SGCZ: variants seen among roughly 807,000 people sequenced by gnomAD.
The protein encoded by SGCZ is sarcoglycan zeta.
In SGCZ, 40 loss-of-function variants were observed where a neutral mutation model predicts 41.3. That is an observed-to-expected ratio of 0.97 (90% CI 0.75 to 1.26). SGCZ has a LOEUF of 1.26. Ranked by LOEUF, SGCZ falls within the 50% of genes most tolerant of loss-of-function variation. The pLI is 0.00. For missense variants in SGCZ, 552 were observed against 369.8 expected (o/e 1.49, Z -4.04); for synonymous variants, 206 against 137.5 (o/e 1.50, Z -3.49).
At chr8:15,192,630 C>G (rs544503023) in intron 1 of SGCZ, among the ~76,000 whole-genome samples, 1 of 152,186 alleles carries the variant, frequency 6.6e-6, no homozygotes, top group East Asian at 1.9e-4. Flanking sequence ...GGCATCAATG[C>G]CAAACTCATC....
intron 1 of SGCZ, among the ~76,000 whole-genome samples, chr8:14,843,900 C>T (rs905711586): frequency 4.6e-5 from 7 of 151,818 alleles, no homozygotes; most frequent in Non-Finnish European, 8.8e-5. Flanking sequence ...AAATATCAGC[C>T]TCTGATGAAC....
At chr8:14,172,380 T>A (rs892393594) in intron 4 of SGCZ, among the ~76,000 whole-genome samples, 2 of 152,152 alleles carry the variant, frequency 1.3e-5, no homozygotes, top group Non-Finnish European at 2.9e-5. Flanking sequence ...CACATCACAT[T>A]TTATTTCATT....
chr8:14,175,570 T>C (rs1011612510), intron 4 of SGCZ, among the ~76,000 whole-genome samples: 8 of 152,222 alleles, frequency 5.3e-5, no homozygotes, highest in African/African-American at 1.9e-4. Flanking sequence ...ATCAAATTTT[T>C]ACTTTTTCTT....
intron 1 of SGCZ, among the ~76,000 whole-genome samples, chr8:14,844,022 T>C (rs1044428909): frequency 6.6e-6 from 1 of 150,932 alleles, no homozygotes; most frequent in African/African-American, 2.4e-5. Flanking sequence ...ATCATATAAA[T>C]AATATTTATA....
chr8:14,264,007 G>C (rs535792044), intron 3 of SGCZ, among the ~76,000 whole-genome samples: 7 of 152,338 alleles, frequency 4.6e-5, no homozygotes, highest in African/African-American at 1.7e-4. Context: ...GACAGATAGA[G>C]CCACCTGGAC....
chr8:14,324,023 G>A, intron 3 of SGCZ, 80 bp downstream of exon 3: 1 of 873,506 alleles, frequency 1.1e-6, no homozygotes, highest in Non-Finnish European at 1.8e-6. Flanking sequence ...AAGAGATAAG[G>A]GGATTCTACC....
intron 1 of SGCZ, among the ~76,000 whole-genome samples, chr8:14,598,616 C>A (rs990233791): frequency 1.3e-5 from 2 of 151,810 alleles, no homozygotes; most frequent in Admixed American, 1.3e-4. Context: ...CAGACTCGAC[C>A]CCCCCGGGCT....
intron 1 of SGCZ, among the ~76,000 whole-genome samples, chr8:14,654,640 C>T (rs540670922): frequency 2.8e-4 from 43 of 152,010 alleles, no homozygotes; most frequent in African/African-American, 9.9e-4. Flanking sequence ...GGCGTGATCT[C>T]GGCTCACTGA....
intron 2 of SGCZ, among the ~76,000 whole-genome samples, chr8:14,346,547 G>C (rs189089498): frequency 6.6e-6 from 1 of 152,082 alleles, no homozygotes; most frequent in African/African-American, 2.4e-5. Flanking sequence ...AGTGCATTTT[G>C]TTAGAAATAT....
Position 14,895,595 on chromosome 8 carries a change from G to A in SGCZ, c.40-340669C>T, listed in dbSNP as rs183984310. Among the ~76,000 whole-genome samples the A allele has an allele frequency of 9.7e-4, 147 of 152,204 alleles. 1 individual carries two copies. The highest frequency in any genetic ancestry group is 1.7e-3 in the Non-Finnish European group (119 of 68,016). ...TGGAAGATCAAAGAAGATGTAAGTGGTATTACCTCTTCATAACAGAACAAA... is the reference window on the plus strand; with the variant it reads ...TGGAAGATCAAAGAAGATGTAAGTGATATTACCTCTTCATAACAGAACAAA... On this transcript the variant is annotated intron_variant, in intron 1 of 7. Transcript: ENST00000382080.
At chr8:14,795,671 T>C (rs938894024) in intron 1 of SGCZ, among the ~76,000 whole-genome samples, 1 of 152,160 alleles carries the variant, frequency 6.6e-6, no homozygotes, top group African/African-American at 2.4e-5. Context: ...TATTGTTTAT[T>C]TTTTTAAACT....
At chr8:14,318,712 G>A (rs766131970) in intron 3 of SGCZ, among the ~76,000 whole-genome samples, 3 of 152,066 alleles carry the variant, frequency 2.0e-5, no homozygotes, top group East Asian at 3.9e-4. Context: ...AGAAGAGACA[G>A]AACAGTCACA....
chr8:14,250,262 T>C (rs1385018293), intron 3 of SGCZ, among the ~76,000 whole-genome samples: 2 of 152,304 alleles, frequency 1.3e-5, no homozygotes, highest in East Asian at 3.9e-4. Flanking sequence ...TTGCAATTGT[T>C]GCAAAAAAAT....
chr8:14,142,786 T>C (rs113935499), intron 5 of SGCZ, among the ~76,000 whole-genome samples: 3,243 of 152,172 alleles, frequency 0.021, 143 homozygotes, highest in African/African-American at 0.075. Flanking sequence ...TCATCCCTGT[T>C]GTGAGTTCTT....
At chr8:14,325,743 CACACATATATAT>C (rs1462024727) in intron 2 of SGCZ, among the ~76,000 whole-genome samples, 284 of 66,728 alleles carry the variant, frequency 4.3e-3, no homozygotes, top group Middle Eastern at 8.8e-3. Context: ...CACACACACA[CACACATATATAT>C]ATATATATAT....
chr8:14,983,003 C>A (rs1043310160), intron 1 of SGCZ, among the ~76,000 whole-genome samples: 6 of 152,124 alleles, frequency 3.9e-5, no homozygotes, highest in African/African-American at 1.4e-4. Context: ...TGGAGTAAGT[C>A]ATTGAATCAT....
chr8:14,284,432 A>T (rs550077108), intron 3 of SGCZ, among the ~76,000 whole-genome samples: 2 of 152,316 alleles, frequency 1.3e-5, no homozygotes, highest in East Asian at 3.9e-4. Context: ...ATTTTAGTAT[A>T]GGTTTACTAA....
chr8:15,023,019 C>A (rs1218224003), intron 1 of SGCZ, among the ~76,000 whole-genome samples: 1 of 152,150 alleles, frequency 6.6e-6, no homozygotes, highest in African/African-American at 2.4e-5. Context: ...TGGGCATTTT[C>A]TTCATCCTTT....
At chr8:15,065,516 C>G (rs541216465) in intron 1 of SGCZ, among the ~76,000 whole-genome samples, 1 of 151,498 alleles carries the variant, frequency 6.6e-6, no homozygotes, top group South Asian at 2.1e-4. Context: ...AGGATCTCGG[C>G]TCACTGCAAT....
Sources: allele counts gnomAD v4.1 joint callset (sites outside exome capture counted in the v4.1 genomes callset), GRCh38; gene constraint gnomAD v4.1.1; transcripts MANE v1.5; gene names NCBI Gene and HGNC (gene_info 2026-07-23, HGNC 2026-07-21).